The following CCDC134 variants were observed in gnomAD, a reference collection of about 807,000 sequenced individuals.
CCDC134 encodes the protein coiled-coil domain-containing protein 134.
CCDC134 carries 27 observed loss-of-function variants against 25.6 expected under a neutral mutation model. That is an observed-to-expected ratio of 1.05 (90% confidence interval 0.78 to 1.45). CCDC134 has a LOEUF of 1.45. Ranked by LOEUF, CCDC134 falls within the 40% of genes most tolerant of loss-of-function variation. CCDC134 has a pLI of 0.00. For synonymous variants in CCDC134, 110 were observed against 115.0 expected (o/e 0.96, Z 0.28); for missense variants, 261 against 286.7 (o/e 0.91, Z 0.65).
At position 41,828,938 on chromosome 22, in the gene CCDC134, G is replaced by A. The variant is rs745535551; in HGVS notation, c.*3115G>A. Among the ~76,000 whole-genome samples, 9 of 152,270 alleles carry A rather than the reference G, an allele frequency of 5.9e-5. No individual in the cohort carries two copies. Among genetic ancestry groups the A allele is most frequent in the South Asian group, 2.1e-4 (1 of 4,830 alleles). On this transcript the variant is annotated 3_prime_UTR_variant, in exon 7 of 7. Coordinates refer to ENST00000255784, the MANE Select transcript of CCDC134 (RefSeq NM_024821.5). ...CCTGTCTACTCAGCTGCTAGTCTGT[G>A]AGCTCCCTGATATCCTTTAAGACAG...
At chr22:41,803,983 A>C (rs1439474084) in intron 1 of CCDC134, among the ~76,000 whole-genome samples, 1 of 151,618 alleles carries the variant, frequency 6.6e-6, no homozygotes, top group Admixed American at 6.6e-5. Context: ...TACAAAAAAA[A>C]TTACCCGGGC....
rs2076687674 is a variant in CCDC134, at chr22:41,828,013, G to A, written c.*2190G>A. ...CAGCAGACCTAGCTTTCTTGGGGTG[G>A]CAGGGAGGCTAAAGCATACCTCAGG... On this transcript the variant is annotated 3_prime_UTR_variant, in exon 7 of 7. Coordinates refer to ENST00000255784, the MANE Select transcript of CCDC134 (RefSeq NM_024821.5). Among the ~76,000 whole-genome samples, 1 of 152,244 alleles carries A rather than the reference G, an allele frequency of 6.6e-6. No individual in the cohort carries two copies.
chr22:41,813,867 G>A (rs765190137), intron 6 of CCDC134, 45 bp downstream of exon 6: 1 of 1,580,430 alleles, frequency 6.3e-7, no homozygotes, highest in Non-Finnish European at 8.7e-7. Context: ...GCCTCTGCTG[G>A]GCCATAGGAC....
At chr22:41,813,211 G>T (rs1244062732) in intron 4 of CCDC134, 53 bp from the exon 5 acceptor site, 1 of 1,586,024 alleles carries the variant, frequency 6.3e-7, no homozygotes, top group African/African-American at 1.3e-5. Context: ...AGGGGCCAGT[G>T]AGGCAGCCAG....
In CCDC134 at chr22:41,830,884, CTTTTTTTTTT is replaced by C. The variant is rs67246997; in HGVS notation, c.*5074_*5083del. ...AGATCCTTATTTTTTCTTTTCTTTT[CTTTTTTTTTT>C]TTTTTTTTTTTTGAGACGCAGTCTC... On this transcript the variant is annotated 3_prime_UTR_variant, in exon 7 of 7. Coordinates refer to ENST00000255784, the MANE Select transcript of CCDC134 (RefSeq NM_024821.5). Among the ~76,000 whole-genome samples, 73 of 117,262 alleles carry C rather than the reference CTTTTTTTTTT, an allele frequency of 6.2e-4. 1 individual carries two copies. The highest frequency in any genetic ancestry group is 1.1e-3 in the Non-Finnish European group (64 of 60,468). The allele number at this position is 117,262 out of a possible 152,430, so 76.9% of individuals were successfully genotyped here.
At chr22:41,815,064 G>A (rs190136666) in intron 6 of CCDC134, among the ~76,000 whole-genome samples, 1 of 152,196 alleles carries the variant, frequency 6.6e-6, no homozygotes, top group Non-Finnish European at 1.5e-5. Context: ...CAGGTAAAGA[G>A]TGGTTAGGGC....
chr22:41,812,638 A>T (rs1209089407), intron 4 of CCDC134, among the ~76,000 whole-genome samples: 8 of 107,636 alleles, frequency 7.4e-5, no homozygotes, highest in Non-Finnish European at 1.7e-4. Flanking sequence ...CCTCTAAAGT[A>T]ATTAATTAAT....
intron 6 of CCDC134, among the ~76,000 whole-genome samples, chr22:41,817,965 C>T (rs2076630896): frequency 6.6e-6 from 1 of 152,118 alleles, no homozygotes; most frequent in Admixed American, 6.6e-5. Context: ...GTTACTGGGG[C>T]TGGCTGACTG....
intron 1 of CCDC134, among the ~76,000 whole-genome samples, chr22:41,806,736 T>C (rs2076569315): frequency 6.6e-6 from 1 of 152,074 alleles, no homozygotes; most frequent in African/African-American, 2.4e-5. Context: ...CATCATATTA[T>C]AGTGGAATGT....
At chr22:41,819,014 T>C (rs2076635910) in intron 6 of CCDC134, among the ~76,000 whole-genome samples, 1 of 152,142 alleles carries the variant, frequency 6.6e-6, no homozygotes, top group African/African-American at 2.4e-5. Context: ...TCATAACGTA[T>C]TCTACTTGGA....
intron 3 of CCDC134, 98 bp downstream of exon 3, chr22:41,810,098 A>G (rs2076587202): frequency 6.3e-7 from 1 of 1,593,552 alleles, no homozygotes; most frequent in Admixed American, 1.7e-5. Flanking sequence ...GTTCAGGGAC[A>G]GGGGAACTGC....
At chr22:41,810,108 C>T (rs552144674) in intron 3 of CCDC134, 99 bp from the exon 4 acceptor site, 3 of 1,587,426 alleles carry the variant, frequency 1.9e-6, no homozygotes, top group South Asian at 1.1e-5. Flanking sequence ...AGGGGAACTG[C>T]GCACACGTAA....
intron 6 of CCDC134, among the ~76,000 whole-genome samples, chr22:41,814,347 C>T (rs2076612395): frequency 6.6e-6 from 1 of 152,080 alleles, no homozygotes; most frequent in African/African-American, 2.4e-5. Flanking sequence ...GGGTGGATCA[C>T]CTGAGGTCAG....
chr22:41,822,193 G>A (rs1200797729), intron 6 of CCDC134, among the ~76,000 whole-genome samples: 2 of 152,144 alleles, frequency 1.3e-5, no homozygotes, highest in African/African-American at 2.4e-5. Context: ...GTAGCATGGG[G>A]TCCGGGCCTT....
Position 41,830,328 on chromosome 22 carries a change from C to T in CCDC134, c.*4505C>T, listed in dbSNP as rs919251301. ...CAGTCCACTTGGCGAGGCATCACGC[C>T]CTCTGGGCAGGCTCAGTGGGGAACT... On this transcript the variant is annotated 3_prime_UTR_variant, in exon 7 of 7. Coordinates refer to ENST00000255784, the MANE Select transcript of CCDC134 (RefSeq NM_024821.5). Among the ~76,000 whole-genome samples the T allele has an allele frequency of 6.6e-6, 1 of 152,236 alleles. No individual in the cohort carries two copies. The highest frequency in any genetic ancestry group is 6.5e-5 in the Admixed American group (1 of 15,284).
chr22:41,828,506 C>A lies in CCDC134; in HGVS notation c.*2683C>A, dbSNP rs1381241133. Among the ~76,000 whole-genome samples the A allele has an allele frequency of 6.6e-6, 1 of 152,204 alleles. No homozygotes were observed. Among genetic ancestry groups the A allele is most frequent in the Non-Finnish European group, 1.5e-5 (1 of 68,044 alleles). Reference sequence around the variant, plus strand: ...CTAATACCGTCATCCTCTCTCCAACCTGGTTAATCCTGTCCTTTCTGCCCT... The same window carrying A: ...CTAATACCGTCATCCTCTCTCCAACATGGTTAATCCTGTCCTTTCTGCCCT... On this transcript the variant is annotated 3_prime_UTR_variant, in exon 7 of 7. Transcript: ENST00000255784.
chr22:41,823,405 C>T (rs575875800), intron 6 of CCDC134, among the ~76,000 whole-genome samples: 3 of 151,858 alleles, frequency 2.0e-5, no homozygotes, highest in Non-Finnish European at 4.4e-5. Context: ...TTGTATTTTT[C>T]AGTAGAGACA....
In CCDC134 at chr22:41,830,457, T is replaced by TC. The variant is rs1182624277; in HGVS notation, c.*4640dup. On this transcript the variant is annotated 3_prime_UTR_variant, in exon 7 of 7. Coordinates refer to ENST00000255784, the MANE Select transcript of CCDC134 (RefSeq NM_024821.5). ...GAGTTGTATGGGAGTTGTTGCTGAA[T>TC]CCCCCCAGAGTACCAGTCACACACC... 6.6e-6 allele frequency among the ~76,000 whole-genome samples: 1 copy of TC among 151,820 alleles called. No homozygotes were observed. Among genetic ancestry groups the TC allele is most frequent in the Non-Finnish European group, 1.5e-5 (1 of 67,948 alleles).
rs1470872274 is a variant in CCDC134 at position 41,829,007 on chromosome 22, CGTT to C, written c.*3186_*3188del. 6.6e-6 allele frequency among the ~76,000 whole-genome samples: 1 copy of C among 152,154 alleles called. No homozygotes were observed. ...CTATTAACGTTTGGGGCTAGGTAAT[CGTT>C]GGGTGTGTGAGTGTGAAGAGGGCTG... On this transcript the variant is annotated 3_prime_UTR_variant, in exon 7 of 7. Coordinates refer to ENST00000255784, the MANE Select transcript of CCDC134 (RefSeq NM_024821.5).
Sources: allele counts gnomAD v4.1 joint callset (sites outside exome capture counted in the v4.1 genomes callset), GRCh38; gene constraint gnomAD v4.1.1; transcripts MANE v1.5; gene names NCBI Gene and HGNC (gene_info 2026-07-23, HGNC 2026-07-21).